NUDCD1: variants seen among roughly 807,000 people sequenced by gnomAD.
The protein encoded by NUDCD1 is nudC domain-containing protein 1.
NUDCD1 carries 60 observed loss-of-function variants against 67.8 expected under a neutral mutation model. The observed-to-expected ratio is 0.88, with a 90% confidence interval of 0.72 to 1.10. The LOEUF (loss-of-function observed/expected upper bound fraction) is 1.10, where lower values mean the gene tolerates loss of function less well. Among genes scored for constraint, NUDCD1 ranks in the 50% least tolerant of loss-of-function variants. NUDCD1 has a pLI of 0.00. For synonymous variants in NUDCD1, 244 were observed against 230.8 expected, an observed-to-expected ratio of 1.06 and a Z score of -0.52; for missense variants, 643 against 695.0, an observed-to-expected ratio of 0.93 and a Z score of 0.84.
chr8:109,281,967 C>T (rs559528637), intron 5 of NUDCD1, among the ~76,000 whole-genome samples: 3 of 152,186 alleles, frequency 2.0e-5, no homozygotes, highest in African/African-American at 4.8e-5. Flanking sequence ...GCTCCAGGCA[C>T]CTGGAGCTCT....
intron 8 of NUDCD1, among the ~76,000 whole-genome samples, chr8:109,264,755 A>G (rs1211591858): frequency 3.9e-5 from 6 of 152,128 alleles, no homozygotes; most frequent in Non-Finnish European, 8.8e-5. Context: ...ATCATATTGC[A>G]AGAGATTGAA....
In NUDCD1 at chr8:109,321,689, A is replaced by G. The variant is rs866108349; in HGVS notation, c.273+620T>C. On this transcript the variant is annotated intron_variant, in intron 2 of 9. Coordinates refer to ENST00000239690, the MANE Select transcript of NUDCD1 (RefSeq NM_032869.4). Reference sequence around the variant, plus strand: ...AAATGTAAGCCCTCCAATTAAGAGAAAGACTGTCATATGGAAAAAACAAGA... The same window carrying G: ...AAATGTAAGCCCTCCAATTAAGAGAGAGACTGTCATATGGAAAAAACAAGA... 2.6e-5 allele frequency among the ~76,000 whole-genome samples: 4 copies of G among 152,206 alleles called. No homozygotes were observed. The Middle Eastern group carries it at 0.014, about 518-fold the overall frequency.
intron 2 of NUDCD1, among the ~76,000 whole-genome samples, chr8:109,299,164 A>G (rs574581051): frequency 5.1e-4 from 78 of 152,322 alleles, no homozygotes; most frequent in Non-Finnish European, 7.6e-4. Context: ...TCGGGAGGGC[A>G]GCCAGAGGCA....
rs192474464 is a variant in NUDCD1 at position 109,275,401 on chromosome 8, T to C, written c.1124A>G (p.Gln375Arg). The stretch of plus-strand genomic sequence containing the variant: ...CAAACGTTCAGCTATTGCAGCACAC[T>C]GGGCTGAATCTCTTATAAGTTCCCC... ...KQGELIRDSA[Q>R]CAAIAERLMH... The change falls in exon 7 of 10, where the codon CAG becomes CGG. Residue 375 changes from glutamine (Q) to arginine (R), a missense_variant. Transcript: ENST00000239690. The C allele has an allele frequency of 1.1e-3, 1,698 of 1,613,812 alleles. 18 individuals are homozygous for C. The highest frequency in any genetic ancestry group is 1.7e-4 in the Non-Finnish European group (198 of 1,179,756).
chr8:109,260,279 C>T (rs1039168564), intron 8 of NUDCD1, among the ~76,000 whole-genome samples: 2 of 152,236 alleles, frequency 1.3e-5, no homozygotes, highest in Non-Finnish European at 2.9e-5. Context: ...ACTGGAACTT[C>T]CAACTCTTGG....
intron 1 of NUDCD1, among the ~76,000 whole-genome samples, chr8:109,325,671 T>C (rs1044668322): frequency 1.4e-4 from 22 of 152,144 alleles, no homozygotes; most frequent in African/African-American, 5.1e-4. Context: ...ACAGGAAAGG[T>C]TGCAATAAAT....
chr8:109,333,617 A>T (rs1815868013), intron 1 of NUDCD1, among the ~76,000 whole-genome samples: 2 of 152,118 alleles, frequency 1.3e-5, no homozygotes, highest in African/African-American at 4.8e-5. Context: ...AGCCCCAGGC[A>T]CTACCCGCAC....
At chr8:109,322,490 A>G in intron 1 of NUDCD1, 27 bp from the exon 2 acceptor site, 2 of 1,565,536 alleles carry the variant, frequency 1.3e-6, no homozygotes, top group South Asian at 2.3e-5. Flanking sequence ...GCAAACATAA[A>G]CATCAAGAGT....
intron 2 of NUDCD1, among the ~76,000 whole-genome samples, chr8:109,321,513 A>AT (rs144110426): frequency 1.3e-5 from 2 of 151,932 alleles, no homozygotes; most frequent in East Asian, 1.9e-4. Context: ...TTCTAAGGAC[A>AT]TTTTTTTTAA....
chr8:109,326,295 A>G (rs1464333649), intron 1 of NUDCD1, among the ~76,000 whole-genome samples: 2 of 152,212 alleles, frequency 1.3e-5, no homozygotes, highest in African/African-American at 4.8e-5. Context: ...TAAAATCTCT[A>G]TTAACGCATA....
In NUDCD1 at chr8:109,289,139, A is replaced by AT. The variant is rs202143536; in HGVS notation, c.823+611dup. ...TACAGGCACCCACCACCACATCCGGATTTTTTTTTGTATTTTTAGTAGAGA... is the reference window on the plus strand; with the variant it reads ...TACAGGCACCCACCACCACATCCGGATTTTTTTTTTGTATTTTTAGTAGAGA... On this transcript the variant is annotated intron_variant, in intron 5 of 9. Coordinates refer to ENST00000239690, the MANE Select transcript of NUDCD1 (RefSeq NM_032869.4). 5.3e-3 allele frequency among the ~76,000 whole-genome samples: 804 copies of AT among 150,594 alleles called. 8 individuals are homozygous for AT. Among genetic ancestry groups the AT allele is most frequent in the African/African-American group, 0.019 (766 of 41,100 alleles).
intron 2 of NUDCD1, among the ~76,000 whole-genome samples, chr8:109,299,322 T>C (rs564539803): frequency 1.3e-5 from 2 of 152,280 alleles, no homozygotes; most frequent in South Asian, 2.1e-4. Flanking sequence ...AAGCCATATT[T>C]GCTTTTGCAG....
intron 2 of NUDCD1, among the ~76,000 whole-genome samples, chr8:109,317,063 G>A (rs182483774): frequency 2.0e-5 from 3 of 152,216 alleles, no homozygotes; most frequent in Non-Finnish European, 2.9e-5. Context: ...AGAGCATAAC[G>A]CATGCAACTT....
intron 8 of NUDCD1, among the ~76,000 whole-genome samples, chr8:109,251,594 T>A (rs1412976032): frequency 6.6e-6 from 1 of 152,224 alleles, no homozygotes; most frequent in East Asian, 1.9e-4. Flanking sequence ...CACTTTAGTG[T>A]CTTTAGGATC....
chr8:109,298,666 T>G (rs1244309729), intron 2 of NUDCD1: 1 of 152,156 alleles, frequency 6.6e-6, no homozygotes, highest in Non-Finnish European at 1.5e-5. Context: ...AGGGCTAATA[T>G]GTATAACATA....
intron 8 of NUDCD1, among the ~76,000 whole-genome samples, chr8:109,265,702 G>A (rs1340007754): frequency 2.0e-5 from 3 of 152,264 alleles, no homozygotes; most frequent in Middle Eastern, 6.8e-3. Context: ...CAAAGGCAGG[G>A]GTGTGTGGGG....
At chr8:109,309,834 A>C (rs1422440109) in intron 2 of NUDCD1, among the ~76,000 whole-genome samples, 1 of 152,046 alleles carries the variant, frequency 6.6e-6, no homozygotes, top group Non-Finnish European at 1.5e-5. Context: ...TGAGAACCAG[A>C]TCAAGAACTC....
Position 109,334,059 on chromosome 8 carries a change from G to A in NUDCD1, c.-49C>T, listed in dbSNP as rs894145968. The stretch of plus-strand genomic sequence containing the variant: ...GAATTAATAAAGCCCTTGTTGAAAG[G>A]TCCGCGCTTCACGCCTCGCACAGAG... On this transcript the variant is annotated 5_prime_UTR_variant, in exon 1 of 10. Transcript: ENST00000239690. 3 of 1,611,234 alleles carry A rather than the reference G, an allele frequency of 1.9e-6. No homozygotes were observed. Among genetic ancestry groups the A allele is most frequent in the Non-Finnish European group, 2.5e-6 (3 of 1,178,394 alleles).
intron 2 of NUDCD1, among the ~76,000 whole-genome samples, chr8:109,301,476 C>G (rs1398947084): frequency 6.6e-6 from 1 of 152,204 alleles, no homozygotes; most frequent in African/African-American, 2.4e-5. Context: ...TTGGTGGTCT[C>G]TTTACACAGA....
Sources: allele counts gnomAD v4.1 joint callset (sites outside exome capture counted in the v4.1 genomes callset), GRCh38; gene constraint gnomAD v4.1.1; transcripts MANE v1.5; gene names NCBI Gene and HGNC (gene_info 2026-07-23, HGNC 2026-07-21).